Variants in TIAM1 observed in about 807,000 individuals in gnomAD.
The protein encoded by TIAM1 is TIAM Rac1 associated GEF 1.
In TIAM1, 65 loss-of-function variants were observed where a neutral mutation model predicts 163.5. The observed-to-expected ratio is 0.40, with a 90% CI of 0.33 to 0.49. TIAM1 has a LOEUF of 0.49. Ranked by LOEUF, TIAM1 falls within the 20% of genes least tolerant of loss-of-function variation. The pLI, the probability that TIAM1 is intolerant of heterozygous loss-of-function variation, is 0.77. For synonymous variants in TIAM1, 833 were observed against 810.1 expected (o/e 1.03, Z -0.48); for missense variants, 1,789 against 2,044.7 (o/e 0.87, Z 2.41).
At chr21:31,200,854 T>G (rs1207077976) in intron 12 of TIAM1, among the ~76,000 whole-genome samples, 1 of 152,186 alleles carries the variant, frequency 6.6e-6, no homozygotes, top group Admixed American at 6.5e-5. Context: ...TTTGCAAGAC[T>G]GTGGCATTTG....
chr21:31,446,173 T>G (rs2044616466), intron 2 of TIAM1, among the ~76,000 whole-genome samples: 1 of 152,164 alleles, frequency 6.6e-6, no homozygotes, highest in South Asian at 2.1e-4. Context: ...ACTCCTGACC[T>G]CAGGTGATCC....
intron 2 of TIAM1, among the ~76,000 whole-genome samples, chr21:31,332,374 G>A (rs2075702728): frequency 6.6e-6 from 1 of 152,096 alleles, no homozygotes; most frequent in Non-Finnish European, 1.5e-5. Context: ...TACACTCAAG[G>A]AACCTAAGGA....
chr21:31,223,374 T>C lies in TIAM1; in HGVS notation c.1995+32A>G, dbSNP rs181737317. The C allele has an allele frequency of 5.6e-4, 881 of 1,579,648 alleles. 3 individuals carry two copies. The African/African-American group carries it at 9.7e-3, about 17-fold the overall frequency. On this transcript the variant is annotated intron_variant, in intron 8 of 27. Coordinates refer to ENST00000541036, the MANE Select transcript of TIAM1 (RefSeq NM_001353694.2). Reference sequence around the variant, plus strand: ...GCTCAGGATTAAGCGTCAAGCTTAATGTTTTTCAAAAATTCATTAGCTTCT... The same window carrying C: ...GCTCAGGATTAAGCGTCAAGCTTAACGTTTTTCAAAAATTCATTAGCTTCT...
chr21:31,207,496 G>C (rs773907679), intron 11 of TIAM1, among the ~76,000 whole-genome samples: 1 of 151,696 alleles, frequency 6.6e-6, no homozygotes, highest in Non-Finnish European at 1.5e-5. Flanking sequence ...TTTTCAATGA[G>C]GAAAAAAAAA....
At chr21:31,534,848 A>G (rs1268418015) in intron 1 of TIAM1, among the ~76,000 whole-genome samples, 2 of 152,190 alleles carry the variant, frequency 1.3e-5, no homozygotes, top group African/African-American at 4.8e-5. Context: ...AGGGCCAGGC[A>G]TGGTGCAAAC....
intron 16 of TIAM1, among the ~76,000 whole-genome samples, chr21:31,159,994 A>G (rs2083827570): frequency 6.6e-6 from 1 of 152,194 alleles, no homozygotes; most frequent in South Asian, 2.1e-4. Context: ...AGCCTTATAA[A>G]AGGAAACAAG....
At chr21:31,231,565 A>T (rs1357518087) in intron 6 of TIAM1, among the ~76,000 whole-genome samples, 1 of 152,158 alleles carries the variant, frequency 6.6e-6, no homozygotes, top group East Asian at 1.9e-4. Flanking sequence ...AAGGAAGCTG[A>T]CCAAAGTTAA....
upstream of TIAM1, among the ~76,000 whole-genome samples, chr21:31,344,507 TGA>T (rs1228939680): frequency 9.9e-5 from 15 of 152,246 alleles, no homozygotes; most frequent in African/African-American, 3.4e-4. Context: ...GCACAAAGCG[TGA>T]GTGCTTGTCA....
At chr21:31,132,243 C>T (rs549082965) in intron 23 of TIAM1, among the ~76,000 whole-genome samples, 1 of 152,190 alleles carries the variant, frequency 6.6e-6, no homozygotes, top group South Asian at 2.1e-4. Context: ...GGTCTTGTCT[C>T]CTCTTTGTGT....
chr21:31,157,387 C>A (rs2083675388), intron 16 of TIAM1, among the ~76,000 whole-genome samples: 1 of 152,212 alleles, frequency 6.6e-6, no homozygotes, highest in African/African-American at 2.4e-5. Flanking sequence ...CTAGCAAGAA[C>A]AACTTTGGCA....
At chr21:31,232,013 C>CAA (rs201903436) in intron 6 of TIAM1, among the ~76,000 whole-genome samples, 6 of 139,140 alleles carry the variant, frequency 4.3e-5, no homozygotes, top group African/African-American at 1.0e-4. Context: ...CTCCATCTCA[C>CAA]AAAAAAAAAA....
At chr21:31,167,438 A>G (rs557910448) in intron 15 of TIAM1, among the ~76,000 whole-genome samples, 1 of 152,330 alleles carries the variant, frequency 6.6e-6, no homozygotes, top group Admixed American at 6.5e-5. Flanking sequence ...GAGCAAACAA[A>G]TAAATCTACA....
At chr21:31,204,642 A>T (rs1224699358) in intron 11 of TIAM1, among the ~76,000 whole-genome samples, 1 of 152,218 alleles carries the variant, frequency 6.6e-6, no homozygotes, top group Non-Finnish European at 1.5e-5. Flanking sequence ...GAGAATACAG[A>T]AACTAATACA....
In TIAM1 at chr21:31,531,805, G is replaced by A. The variant is rs897548798; in HGVS notation, c.-422+27122C>T. Among the ~76,000 whole-genome samples the A allele has an allele frequency of 2.7e-5, 4 of 150,326 alleles. No individual in the cohort carries two copies. In the East Asian group the frequency reaches 7.7e-4, roughly 29 times the overall value. Reference sequence around the variant, plus strand: ...CTCCTTGGGAGAAACAAAATCAACAGCAAGAGAAACAAATATGAAACCAAC... The same window carrying A: ...CTCCTTGGGAGAAACAAAATCAACAACAAGAGAAACAAATATGAAACCAAC... On this transcript the variant is annotated intron_variant, in intron 1 of 28. Coordinates refer to the TIAM1 transcript ENST00000286827.
chr21:31,475,182 A>G (rs1249352059), intron 1 of TIAM1, among the ~76,000 whole-genome samples: 3 of 151,922 alleles, frequency 2.0e-5, no homozygotes, highest in Admixed American at 6.6e-5. Flanking sequence ...CCCTGCAAGT[A>G]GCTGGGACTA....
intron 16 of TIAM1, among the ~76,000 whole-genome samples, chr21:31,159,127 C>A (rs1411467358): frequency 6.6e-6 from 1 of 151,998 alleles, no homozygotes. Flanking sequence ...ATCAGTCACC[C>A]TGGAAACCAA....
chr21:31,151,413 A>T (rs2083364984), intron 19 of TIAM1, among the ~76,000 whole-genome samples: 1 of 152,202 alleles, frequency 6.6e-6, no homozygotes, highest in Non-Finnish European at 1.5e-5. Context: ...TACACACAGC[A>T]ATATGGACGG....
At chr21:31,365,657 C>T (rs1034685110) in intron 2 of TIAM1, among the ~76,000 whole-genome samples, 12 of 151,664 alleles carry the variant, frequency 7.9e-5, no homozygotes, top group Admixed American at 3.3e-4. Context: ...TCCCAAAGTG[C>T]GGGATTACAG....
chr21:31,259,966 T>C (rs1445368865), intron 4 of TIAM1, among the ~76,000 whole-genome samples: 1 of 151,666 alleles, frequency 6.6e-6, no homozygotes, highest in Non-Finnish European at 1.5e-5. Flanking sequence ...GAGATAGGGT[T>C]CTCATTCTGT....
Sources: gnomAD v4.1 joint callset for allele counts (sites outside exome capture counted in the v4.1 genomes callset) on GRCh38, gnomAD v4.1.1 for gene constraint, MANE v1.5 for transcripts, NCBI Gene and HGNC (gene_info 2026-07-23, HGNC 2026-07-21) for gene names.